PIK3IP1: variants seen among roughly 807,000 people sequenced by gnomAD.
The protein encoded by PIK3IP1 is phosphoinositide-3-kinase-interacting protein 1.
In PIK3IP1, 28 loss-of-function variants were observed where a neutral mutation model predicts 30.7. The observed-to-expected ratio is 0.91, with a 90% confidence interval of 0.68 to 1.25. The LOEUF (loss-of-function observed/expected upper bound fraction) is 1.25. Among genes scored for constraint, PIK3IP1 ranks in the 50% most tolerant of loss-of-function variants. The pLI is 0.00. For missense variants in PIK3IP1, 333 were observed against 346.2 expected, an observed-to-expected ratio of 0.96 and a Z score of 0.30; for synonymous variants, 159 against 140.8, an observed-to-expected ratio of 1.13 and a Z score of -0.91.
chr22:31,287,329 A>ATTTT (rs776460911), intron 5 of PIK3IP1, among the ~76,000 whole-genome samples: 4 of 85,662 alleles, frequency 4.7e-5, no homozygotes, highest in African/African-American at 1.9e-4. Context: ...CATTACCTAC[A>ATTTT]TTTTTTTTTT....
At chr22:31,288,903 A>T in intron 5 of PIK3IP1, 1 of 323,826 alleles carries the variant, frequency 3.1e-6, no homozygotes, top group African/African-American at 2.1e-5. Context: ...CACAGAAAGA[A>T]TTTGGTCTTA....
chr22:31,290,747 A>G (rs186837790), intron 3 of PIK3IP1: 6 of 601,904 alleles, frequency 1.0e-5, no homozygotes, highest in African/African-American at 9.9e-5. Flanking sequence ...CGCCCCGCGC[A>G]GTTGTTTACA....
rs1300529008 is a variant in PIK3IP1, at chr22:31,291,225, T to G, written c.142A>C (p.Asn48His). The change falls in exon 2 of 6, where the codon AAC (asparagine) becomes CAC (histidine). Residue 48 changes from asparagine (N) to histidine (H), a missense_variant. By Grantham distance (68) the Asn-to-His change is moderately conservative. This residue lies in a region of PIK3IP1 where 111 missense variants were observed against 100.1 expected (regional missense o/e 1.11). Coordinates refer to ENST00000215912, the MANE Select transcript of PIK3IP1 (RefSeq NM_052880.5). ...TSPAPGLRCL[N>H]WLDAQSGLAS... The stretch of plus-strand genomic sequence containing the variant: ...AGCCCGCTCTGCGCGTCCAGCCAGT[T>G]GAGGCAGCGGAGGCCCGGCGCGGGG... 6.5e-7 allele frequency: 1 copy of G among 1,550,264 alleles called. No homozygotes were observed. The highest frequency in any genetic ancestry group is 1.4e-5 in the African/African-American group (1 of 72,916).
At position 31,287,552 on chromosome 22, in the gene PIK3IP1, G is replaced by A. The variant is rs185871373; in HGVS notation, c.587+1763C>T. Among the ~76,000 whole-genome samples, 119 of 149,634 alleles carry A rather than the reference G, an allele frequency of 8.0e-4. 1 individual carries two copies. Among genetic ancestry groups the A allele is most frequent in the Non-Finnish European group, 1.3e-3 (90 of 67,444 alleles). On this transcript the variant is annotated intron_variant, in intron 5 of 5. Coordinates refer to ENST00000215912, the MANE Select transcript of PIK3IP1 (RefSeq NM_052880.5). ...TCACTATGTTGGCCAGGCTGGTCTC[G>A]AACTCCTGACCTCATGATCTGCCCG...
chr22:31,290,716 G>C (rs965474698), intron 3 of PIK3IP1: 4 of 502,102 alleles, frequency 8.0e-6, no homozygotes, highest in Admixed American at 4.2e-5. Flanking sequence ...GCGGCGGAGA[G>C]ACCTAGCCTC....
At chr22:31,286,490 G>A (rs2049131575) in intron 5 of PIK3IP1, among the ~76,000 whole-genome samples, 1 of 152,202 alleles carries the variant, frequency 6.6e-6, no homozygotes, top group Non-Finnish European at 1.5e-5. Flanking sequence ...TCTGTTCTCA[G>A]AGCAGTTCTG....
At chr22:31,283,537 T>A (rs2049106639) in intron 5 of PIK3IP1, among the ~76,000 whole-genome samples, 1 of 151,974 alleles carries the variant, frequency 6.6e-6, no homozygotes. Context: ...GTGACAGCAG[T>A]ATGGACTTCA....
chr22:31,290,909 T>C (rs1173438389), intron 3 of PIK3IP1, 56 bp downstream of exon 3: 3 of 1,512,954 alleles, frequency 2.0e-6, no homozygotes, highest in Non-Finnish European at 2.6e-6. Context: ...CACGAGTGTC[T>C]CAGCCGCTTC....
Sources: gnomAD v4.1 joint callset for allele counts (sites outside exome capture counted in the v4.1 genomes callset) on GRCh38, gnomAD v4.1.1 for gene constraint, gnomAD v4.1.1 regional missense constraint, MANE v1.5 for transcripts, NCBI Gene and HGNC (gene_info 2026-07-23, HGNC 2026-07-21) for gene names.